Variants in TFB1M observed in about 807,000 individuals in gnomAD.
TFB1M encodes the protein transcription factor B1, mitochondrial, also known as dimethyladenosine transferase 1, mitochondrial.
Under a neutral mutation model 31.1 loss-of-function variants are expected in TFB1M, and 27 were observed. That is an observed-to-expected ratio of 0.87 (90% CI 0.64 to 1.20). The LOEUF (loss-of-function observed/expected upper bound fraction) is 1.20, where lower values mean the gene tolerates loss of function less well. TFB1M is among the 50% of genes most tolerant of loss of function. The probability of loss-of-function intolerance (pLI) is 0.00; values close to 1 mark genes in which losing one functional copy is unlikely to be tolerated. For synonymous variants in TFB1M, 166 were observed against 151.8 expected, an observed-to-expected ratio of 1.09 and a Z score of -0.69; for missense variants, 394 against 418.7, an observed-to-expected ratio of 0.94 and a Z score of 0.51.
rs1784155198 is a variant in TFB1M at position 155,257,646 on chromosome 6, A to G, written c.*190T>C. 3 of 627,830 alleles carry G rather than the reference A, an allele frequency of 4.8e-6. No homozygotes were observed. The highest frequency in any genetic ancestry group is 3.7e-5 in the African/African-American group (2 of 54,294). 38.9% of individuals were successfully genotyped at this position (627,830 alleles called of 1,614,324 possible). A position where few individuals can be genotyped will look rare whatever the true frequency, so the allele number is the denominator to read the frequency against. ...AACTATCTATACAGTATATATTAAA[A>G]GAAAGCTTGTACTGTATCTTATTTG... On this transcript the variant is annotated 3_prime_UTR_variant, in exon 7 of 7. Transcript: ENST00000367166.
chr6:155,264,285 C>G (rs1017780522), intron 5 of TFB1M: 2 of 152,222 alleles, frequency 1.3e-5, no homozygotes, highest in East Asian at 3.9e-4. Context: ...TACAACTTTC[C>G]CAGGTAAGGA....
At chr6:155,253,740 G>A (rs1414798894), downstream of TFB1M, 6 of 461,516 alleles carry the variant, frequency 1.3e-5, no homozygotes, top group Admixed American at 7.9e-5. Context: ...GAGAGAGGGT[G>A]AAGGCAGTTC....
intron 2 of TFB1M, among the ~76,000 whole-genome samples, chr6:155,305,746 T>TA (rs1777736026): frequency 8.8e-6 from 1 of 114,000 alleles, no homozygotes; most frequent in South Asian, 2.3e-4. Flanking sequence ...ATTATATATT[T>TA]ATATATATAA....
In TFB1M at chr6:155,303,218, G is replaced by T. The variant is rs9397803; in HGVS notation, c.286-4633C>A. ...CCTTCTTCCTTAGGCCAATGTATAG[G>T]GATGCTATATGGCACAATCCTCTTC... On this transcript the variant is annotated intron_variant, in intron 2 of 6. Transcript: ENST00000367166. The T allele has an allele frequency of 3.3e-5, 5 of 151,960 alleles. No homozygotes were observed. The South Asian group carries it at 6.2e-4, about 19-fold the overall frequency. The allele number at this position is 151,960 out of a possible 1,614,324, so 9.4% of individuals were successfully genotyped here.
At chr6:155,281,398 G>C (rs933891334) in intron 5 of TFB1M, among the ~76,000 whole-genome samples, 3 of 152,152 alleles carry the variant, frequency 2.0e-5, no homozygotes, top group Admixed American at 2.0e-4. Context: ...ATAACTAAAT[G>C]ATTTTTCTAC....
the TFB1M span, among the ~76,000 whole-genome samples, chr6:155,240,999 G>A: frequency 6.6e-6 from 1 of 152,270 alleles, no homozygotes; most frequent in Non-Finnish European, 1.5e-5. Context: ...TGGGAAGGGA[G>A]TCTGTACTGG....
At chr6:155,250,393 T>C in the TFB1M span, 1 of 584,998 alleles carries the variant, frequency 1.7e-6, no homozygotes, top group Non-Finnish European at 2.8e-6. Context: ...TTCCTTTTTA[T>C]CTGATTGCTT....
At chr6:155,244,523 C>G in the TFB1M span, 1 of 1,092,494 alleles carries the variant, frequency 9.2e-7, no homozygotes, top group Non-Finnish European at 1.3e-6. Context: ...AATGTGCTGT[C>G]TTCTTAAAGG....
chr6:155,234,014 T>TGGGGGGG, the TFB1M span, among the ~76,000 whole-genome samples: 1 of 145,396 alleles, frequency 6.9e-6, no homozygotes. Context: ...GGGGGGGGGT[T>TGGGGGGG]GGGGTTCAAT....
chr6:155,256,517 C>T lies in TFB1M; in HGVS notation c.*1319G>A. On this transcript the variant is annotated 3_prime_UTR_variant, in exon 7 of 7. Coordinates refer to ENST00000367166, the MANE Select transcript of TFB1M (RefSeq NM_016020.4). The stretch of plus-strand genomic sequence containing the variant: ...AGGTCTTTAAAAGTCCTGAAGAATT[C>T]CTCCAGCAACGAGTGGACCGGTGAG... 6.2e-7 allele frequency: 1 copy of T among 1,614,186 alleles called. No individual in the cohort carries two copies. Among genetic ancestry groups the T allele is most frequent in the East Asian group, 2.2e-5 (1 of 44,880 alleles).
At chr6:155,279,590 C>T (rs1785398868) in intron 5 of TFB1M, among the ~76,000 whole-genome samples, 1 of 152,166 alleles carries the variant, frequency 6.6e-6, no homozygotes, top group African/African-American at 2.4e-5. Flanking sequence ...TCTTTCATCA[C>T]TATATTGTCA....
At chr6:155,244,266 T>C in the TFB1M span, among the ~76,000 whole-genome samples, 1 of 152,216 alleles carries the variant, frequency 6.6e-6, no homozygotes, top group African/African-American at 2.4e-5. Flanking sequence ...CATGACCCAG[T>C]GGCAGAGTGT....
chr6:155,245,824 G>C, the TFB1M span: 1 of 863,754 alleles, frequency 1.2e-6, no homozygotes, highest in Non-Finnish European at 1.7e-6. Context: ...TAGAGAGTAA[G>C]TACAATTTTG....
At position 155,311,183 on chromosome 6, in the gene TFB1M, C is replaced by T. The variant is rs112268880; in HGVS notation, c.285+5G>A. On this transcript the variant is annotated splice_donor_5th_base_variant and intron_variant, in intron 2 of 6. Transcript: ENST00000367166. ...CTCCTAAAGCAGACACTTTAAGCATCTCACCTGTAATCCAGGAATAAATCG... is the reference window on the plus strand; with the variant it reads ...CTCCTAAAGCAGACACTTTAAGCATTTCACCTGTAATCCAGGAATAAATCG... 6.2e-6 allele frequency: 10 copies of T among 1,613,898 alleles called. No individual in the cohort carries two copies. In the African/African-American group the frequency reaches 1.1e-4, roughly 17 times the overall value.
At chr6:155,304,548 A>C (rs1372193484) in intron 2 of TFB1M, among the ~76,000 whole-genome samples, 1 of 152,150 alleles carries the variant, frequency 6.6e-6, no homozygotes, top group Non-Finnish European at 1.5e-5. Flanking sequence ...CAAGAAGCTC[A>C]ATGAATTCTA....
downstream of TFB1M, chr6:155,254,410 C>A (rs374043224): frequency 2.4e-5 from 39 of 1,610,450 alleles, no homozygotes; most frequent in East Asian, 2.7e-4. Context: ...TCTCTCCCCC[C>A]CCACCCAGTG....
intron 1 of TFB1M, 91 bp from the exon 2 acceptor site, chr6:155,311,430 CCATTACCCAATCAA>C: frequency 9.4e-7 from 1 of 1,065,148 alleles, no homozygotes; most frequent in Non-Finnish European, 1.4e-6. Flanking sequence ...AAAAATTCAG[CCATTACCCAATCAA>C]TTGATCCTTT....
intron 2 of TFB1M, among the ~76,000 whole-genome samples, chr6:155,309,018 A>G (rs1777905796): frequency 1.3e-5 from 2 of 152,220 alleles, no homozygotes; most frequent in African/African-American, 4.8e-5. Context: ...GATACTAAGA[A>G]TTAATTTTGT....
At chr6:155,296,426 ATTTTTTTTTTTTT>A (rs71023639) in intron 4 of TFB1M, among the ~76,000 whole-genome samples, 44 of 103,456 alleles carry the variant, frequency 4.3e-4, no homozygotes, top group South Asian at 2.4e-3. Flanking sequence ...CACCCAGCTA[ATTTTTTTTTTTTT>A]TTTTTTTTTT....
Sources: gnomAD v4.1 joint callset for allele counts (sites outside exome capture counted in the v4.1 genomes callset) on GRCh38, gnomAD v4.1.1 for gene constraint, MANE v1.5 for transcripts, NCBI Gene and HGNC (gene_info 2026-07-23, HGNC 2026-07-21) for gene names.